The following ALB variants were observed in gnomAD, a reference collection of about 807,000 sequenced individuals.
ALB encodes the protein serum albumin.
ALB carries 37 observed loss-of-function variants against 74.5 expected under a neutral mutation model. The observed-to-expected ratio is 0.50, with a 90% CI of 0.38 to 0.65. The LOEUF (loss-of-function observed/expected upper bound fraction) is 0.65. ALB is among the 30% of genes least tolerant of loss of function. The pLI is 0.00. For missense variants in ALB, 685 were observed against 718.7 expected (o/e 0.95, Z 0.54); for synonymous variants, 249 against 251.6 (o/e 0.99, Z 0.10).
rs541871018 is a variant in ALB, at chr4:73,406,548, A to G, written c.138-81A>G. 4.0e-5 allele frequency: 53 copies of G among 1,320,416 alleles called. No individual in the cohort carries two copies. In the South Asian group the frequency reaches 6.2e-4, roughly 15 times the overall value. The allele number at this position is 1,320,416 out of a possible 1,614,324, so 81.8% of individuals were successfully genotyped here. On this transcript the variant is annotated intron_variant, in intron 2 of 14. Coordinates refer to ENST00000295897, the MANE Select transcript of ALB (RefSeq NM_000477.7). ...TATAAAAGATAGAACCTATACCCAT[A>G]CATGATTTGTTCTCTAGCGTAGCAA...
At chr4:73,417,815 G>A (rs572624073) in intron 11 of ALB, 146 bp downstream of exon 11, 1 of 809,944 alleles carries the variant, frequency 1.2e-6, no homozygotes, top group Non-Finnish European at 1.9e-6. Context: ...GTGTGTGTAT[G>A]TGTGATATTG....
intron 4 of ALB, chr4:73,409,040 TAAGA>T: frequency 1.7e-6 from 1 of 580,888 alleles, no homozygotes; most frequent in Non-Finnish European, 3.0e-6. Flanking sequence ...CTGAAAAATT[TAAGA>T]TAGACAAATT....
At chr4:73,408,846 G>T in intron 4 of ALB, 41 bp downstream of exon 4, 1 of 1,538,102 alleles carries the variant, frequency 6.5e-7, no homozygotes, top group South Asian at 1.1e-5. Context: ...TAAAAAGCAT[G>T]GAGTAACTCC....
chr4:73,407,884 T>A (rs549106902), intron 3 of ALB, among the ~76,000 whole-genome samples: 4 of 152,330 alleles, frequency 2.6e-5, no homozygotes, highest in African/African-American at 9.6e-5. Context: ...TTCCCCTTTT[T>A]ATTATGTACC....
At position 73,416,361 on chromosome 4, in the gene ALB, A is replaced by C; in HGVS notation, c.1289+8A>C. 2.5e-6 allele frequency: 4 copies of C among 1,597,438 alleles called. No individual in the cohort carries two copies. Among genetic ancestry groups the C allele is most frequent in the Non-Finnish European group, 3.4e-6 (4 of 1,167,974 alleles). ...GTACAAATTCCAGAATGCGTAAGTA[A>C]TTTTTATTGACTGATTTTTTTTATC... is the stretch of plus-strand genomic sequence containing the variant. On this transcript the variant is annotated splice_region_variant and intron_variant, in intron 10 of 14. Coordinates refer to ENST00000295897, the MANE Select transcript of ALB (RefSeq NM_000477.7).
intron 4 of ALB, chr4:73,409,046 A>T (rs1306950323): frequency 5.2e-6 from 3 of 577,902 alleles, no homozygotes; most frequent in Non-Finnish European, 9.2e-6. Flanking sequence ...AATTTAAGAT[A>T]GACAAATTAT....
rs554157699 is a variant in ALB, at chr4:73,418,375, T to C, written c.1652+64T>C. On this transcript the variant is annotated intron_variant, in intron 12 of 14. Transcript: ENST00000295897. ...GATAGCAAGAACTGTCAATTCAAGC[T>C]AGCAACTTTTTCCTGAAGTAGTGAT... 8.8e-5 allele frequency: 127 copies of C among 1,442,420 alleles called. No homozygotes were observed. The East Asian group carries it at 2.9e-3, about 33-fold the overall frequency. 89.4% of individuals were successfully genotyped at this position (1,442,420 alleles called of 1,614,324 possible). A position where few individuals can be genotyped will look rare whatever the true frequency, so the allele number is the denominator to read the frequency against.
At chr4:73,408,438 TC>T (rs989521354) in intron 3 of ALB, among the ~76,000 whole-genome samples, 155 bp from the exon 4 acceptor site, 1 of 152,198 alleles carries the variant, frequency 6.6e-6, no homozygotes, top group African/African-American at 2.4e-5. Context: ...GATGGTTAAA[TC>T]ATCAGAAACT....
chr4:73,407,763 C>CT (rs1471153875), intron 3 of ALB, among the ~76,000 whole-genome samples: 1 of 152,116 alleles, frequency 6.6e-6, no homozygotes, highest in Non-Finnish European at 1.5e-5. Flanking sequence ...GAACTTTAAA[C>CT]TTTTAGTATT....
At chr4:73,410,134 G>A (rs1039888994) in intron 5 of ALB, among the ~76,000 whole-genome samples, 178 bp from the exon 6 acceptor site, 1 of 152,062 alleles carries the variant, frequency 6.6e-6, no homozygotes, top group African/African-American at 2.4e-5. Context: ...CAGAATGATC[G>A]AATGATCTTT....
chr4:73,417,265 T>C (rs1176526328), intron 10 of ALB, among the ~76,000 whole-genome samples: 2 of 152,330 alleles, frequency 1.3e-5, no homozygotes, highest in East Asian at 3.9e-4. Context: ...AAGAAGAAAT[T>C]AATAAATTTA....
Position 73,410,548 on chromosome 4 carries a change from T to C in ALB, c.713+139T>C, listed in dbSNP as rs191154489. The C allele has an allele frequency of 2.1e-4, 139 of 656,290 alleles. 1 individual carries two copies. The East Asian group carries it at 3.1e-3, about 15-fold the overall frequency. The allele number at this position is 656,290 out of a possible 1,614,324, so 40.7% of individuals were successfully genotyped here. A position where few individuals can be genotyped will look rare whatever the true frequency, so the allele number is the denominator to read the frequency against. ...GGTTGTCTAACAGGTAGAACTCTAATAGAGGTAAAAATCAGAATATCAATG... is the reference window on the plus strand; with the variant it reads ...GGTTGTCTAACAGGTAGAACTCTAACAGAGGTAAAAATCAGAATATCAATG... On this transcript the variant is annotated intron_variant, in intron 6 of 14. Coordinates refer to ENST00000295897, the MANE Select transcript of ALB (RefSeq NM_000477.7).
intron 4 of ALB, 126 bp downstream of exon 4, chr4:73,408,931 G>A: frequency 1.1e-6 from 1 of 891,932 alleles, no homozygotes; most frequent in Admixed American, 2.9e-5. Context: ...TTGTTATGAT[G>A]ATTTTTTAAA....
At chr4:73,413,161 C>A (rs956773852) in intron 7 of ALB, 3 of 426,112 alleles carry the variant, frequency 7.0e-6, no homozygotes, top group South Asian at 6.3e-5. Flanking sequence ...AACTTAAATG[C>A]CCTAACAGTA....
At chr4:73,412,766 G>A (rs979279119) in intron 7 of ALB, among the ~76,000 whole-genome samples, 2 of 152,206 alleles carry the variant, frequency 1.3e-5, no homozygotes, top group African/African-American at 2.4e-5. Flanking sequence ...TTTGAGGGAG[G>A]TAGGTGGACT....
At chr4:73,414,475 T>C (rs1297275478) in intron 8 of ALB, among the ~76,000 whole-genome samples, 3 of 152,178 alleles carry the variant, frequency 2.0e-5, no homozygotes, top group African/African-American at 7.2e-5. Flanking sequence ...ATACTATTTA[T>C]TTTTTGAGAC....
At chr4:73,406,144 A>G (rs1316831160) in intron 2 of ALB, among the ~76,000 whole-genome samples, 1 of 152,094 alleles carries the variant, frequency 6.6e-6, no homozygotes, top group Admixed American at 6.5e-5. Flanking sequence ...CTGTAGTCCT[A>G]GCTACTTAGG....
chr4:73,419,809 C>T (rs560387678), intron 13 of ALB, among the ~76,000 whole-genome samples, 170 bp downstream of exon 13: 5 of 152,256 alleles, frequency 3.3e-5, no homozygotes, highest in African/African-American at 1.2e-4. Flanking sequence ...TTGTTTTTAT[C>T]TCCTGCTCTA....
rs763075976 is a variant in ALB, at chr4:73,404,383, G to A, written c.56G>A (p.Arg19Lys). The A allele has an allele frequency of 6.2e-7, 1 of 1,613,660 alleles. No homozygotes were observed. Among genetic ancestry groups the A allele is most frequent in the East Asian group, 2.2e-5 (1 of 44,848 alleles). ...LLFLFSSAYS[R>K]GVFRRDAHKS... ...TTTCTCTTTAGCTCGGCTTATTCCA[G>A]GGGTGTGTTTCGTCGAGATGCACGT... Residue 19 changes from arginine to lysine, a missense_variant, in exon 1 of 15, where the codon AGG becomes AAG. Physicochemically the swap from Arg to Lys is conservative, Grantham distance 26. Coordinates refer to ENST00000295897, the MANE Select transcript of ALB (RefSeq NM_000477.7).
Sources: gnomAD v4.1 joint callset for allele counts (sites outside exome capture counted in the v4.1 genomes callset) on GRCh38, gnomAD v4.1.1 for gene constraint, MANE v1.5 for transcripts, NCBI Gene and HGNC (gene_info 2026-07-23, HGNC 2026-07-21) for gene names.